The following KCNT2 variants were observed in gnomAD, a reference collection of about 807,000 sequenced individuals.
The protein encoded by KCNT2 is potassium channel subfamily T member 2.
Under a neutral mutation model 153.8 loss-of-function variants are expected in KCNT2, and 67 were observed. The ratio of observed to expected loss-of-function variants is 0.44; its 90% confidence interval spans 0.36 to 0.53. The LOEUF (loss-of-function observed/expected upper bound fraction) is 0.53, where lower values mean the gene tolerates loss of function less well. Ranked by LOEUF, KCNT2 falls within the 20% of genes least tolerant of loss-of-function variation. KCNT2 has a pLI of 0.00. For synonymous variants in KCNT2, 500 were observed against 458.8 expected (o/e 1.09, Z -1.15); for missense variants, 975 against 1,354.8 (o/e 0.72, Z 4.40).
chr1:196,342,189 G>A lies in KCNT2; in HGVS notation c.1443C>T (p.Tyr481=), dbSNP rs753063844. 1.1e-5 allele frequency: 18 copies of A among 1,610,884 alleles called. No homozygotes were observed. The highest frequency in any genetic ancestry group is 5.5e-5 in the South Asian group (5 of 90,510). The change falls in exon 15 of 28, where the codon TAC becomes TAT. Residue 481 remains tyrosine (Y), a synonymous_variant. Coordinates refer to ENST00000294725, the MANE Select transcript of KCNT2 (RefSeq NM_198503.5). The part of the protein sequence containing the change: ...QQSPEQWQKM[Y]GRCSGNEVYH... The stretch of plus-strand genomic sequence containing the variant: ...AGACTTCATTCCCGGAGCATCTACC[G>A]TACATCTTCTGCCATTGTTCTGGCG...
At chr1:196,277,585 G>A (rs1435003079) in intron 25 of KCNT2, among the ~76,000 whole-genome samples, 1 of 152,066 alleles carries the variant, frequency 6.6e-6, no homozygotes, top group Admixed American at 6.6e-5. Context: ...AACTGTTGAG[G>A]AAAATTGAGA....
chr1:196,580,742 T>C (rs535928850), intron 1 of KCNT2, among the ~76,000 whole-genome samples: 285 of 152,244 alleles, frequency 1.9e-3, no homozygotes, highest in Admixed American at 4.2e-3. Context: ...TAAATCCTTA[T>C]ATTTCATAGT....
intron 26 of KCNT2, 86 bp downstream of exon 26, chr1:196,258,108 T>A (rs763293516): frequency 2.5e-5 from 37 of 1,501,010 alleles, no homozygotes; most frequent in Non-Finnish European, 3.0e-5. Context: ...AAAAATTCAA[T>A]TCTTTATTAA....
chr1:196,522,789 G>A (rs1035465786), intron 1 of KCNT2, among the ~76,000 whole-genome samples: 4 of 151,896 alleles, frequency 2.6e-5, no homozygotes, highest in Admixed American at 1.3e-4. Flanking sequence ...TGTAAAAAAC[G>A]CACTAATCAG....
intron 1 of KCNT2, among the ~76,000 whole-genome samples, chr1:196,511,034 G>A (rs909710659): frequency 6.6e-6 from 1 of 151,682 alleles, no homozygotes; most frequent in Non-Finnish European, 1.5e-5. Flanking sequence ...TAGACCAGAT[G>A]TCCCATGAAA....
chr1:196,542,685 T>C (rs1166553913), intron 1 of KCNT2, among the ~76,000 whole-genome samples: 1 of 152,152 alleles, frequency 6.6e-6, no homozygotes, highest in Non-Finnish European at 1.5e-5. Flanking sequence ...TATTTCATTT[T>C]TCAACCAATC....
intron 1 of KCNT2, among the ~76,000 whole-genome samples, chr1:196,562,951 T>A (rs1371098862): frequency 6.6e-6 from 1 of 152,066 alleles, no homozygotes; most frequent in African/African-American, 2.4e-5. Context: ...CCATTGACCT[T>A]CTGTGTAGAA....
intron 12 of KCNT2, among the ~76,000 whole-genome samples, chr1:196,401,223 G>C (rs1224959175): frequency 6.6e-6 from 1 of 151,748 alleles, no homozygotes; most frequent in Non-Finnish European, 1.5e-5. Context: ...GCTAAAATGA[G>C]AGCACTAACA....
chr1:196,268,027 G>C (rs989596883), intron 25 of KCNT2, among the ~76,000 whole-genome samples: 2 of 152,142 alleles, frequency 1.3e-5, no homozygotes, highest in African/African-American at 4.8e-5. Flanking sequence ...GAGAACTGCT[G>C]CTTTTGATCC....
intron 19 of KCNT2, among the ~76,000 whole-genome samples, chr1:196,320,808 T>C (rs975981667): frequency 8.6e-5 from 13 of 151,822 alleles, no homozygotes; most frequent in Admixed American, 7.9e-4. Flanking sequence ...AATGACCCAA[T>C]AGTATTACAT....
At chr1:196,324,911 C>A (rs1572040948) in intron 19 of KCNT2, among the ~76,000 whole-genome samples, 1 of 151,966 alleles carries the variant, frequency 6.6e-6, no homozygotes, top group Admixed American at 6.6e-5. Flanking sequence ...ATTTTTGTAA[C>A]CTGTTTATTC....
At chr1:196,556,587 C>G (rs1658699673) in intron 1 of KCNT2, among the ~76,000 whole-genome samples, 1 of 151,368 alleles carries the variant, frequency 6.6e-6, no homozygotes. Context: ...CATCAGAAAA[C>G]TAAAACTAGA....
chr1:196,423,132 A>G lies in KCNT2; in HGVS notation c.1122-19T>C, dbSNP rs570322178. The stretch of plus-strand genomic sequence containing the variant: ...ATCCATCCTAAATACAGATGGAAAA[A>G]CAAAATAATCACACACTGAAATATC... On this transcript the variant is annotated intron_variant, in intron 11 of 27. Coordinates refer to ENST00000294725, the MANE Select transcript of KCNT2 (RefSeq NM_198503.5). The G allele has an allele frequency of 3.2e-6, 5 of 1,542,498 alleles. No individual in the cohort carries two copies. The South Asian group carries it at 4.7e-5, about 14-fold the overall frequency.
intron 12 of KCNT2, among the ~76,000 whole-genome samples, chr1:196,413,112 G>A (rs1339734271): frequency 1.3e-5 from 2 of 151,550 alleles, no homozygotes; most frequent in Admixed American, 6.6e-5. Context: ...ATGTATACAT[G>A]TCATTATTAT....
In KCNT2 at chr1:196,236,116, A is replaced by G. The variant is rs770443462; in HGVS notation, c.3212-46T>C. 27 of 981,430 alleles carry G rather than the reference A, an allele frequency of 2.8e-5. No individual in the cohort carries two copies. In the Admixed American group the frequency reaches 4.5e-4, roughly 16 times the overall value. The allele number at this position is 981,430 out of a possible 1,614,324, so 60.8% of individuals were successfully genotyped here. A position where few individuals can be genotyped will look rare whatever the true frequency, so the allele number is the denominator to read the frequency against. On this transcript the variant is annotated intron_variant, in intron 26 of 27. Transcript: ENST00000294725. ...AAGTTTGTTATACTGCTTATAGAAA[A>G]TTACAGGAATTACTAGTGAACAGCT...
intron 23 of KCNT2, among the ~76,000 whole-genome samples, 176 bp downstream of exon 23, chr1:196,285,481 A>C (rs531208308): frequency 6.6e-6 from 1 of 152,302 alleles, no homozygotes; most frequent in East Asian, 1.9e-4. Context: ...TTTTCTTACA[A>C]AATGTTTCAT....
intron 26 of KCNT2, among the ~76,000 whole-genome samples, chr1:196,253,523 A>G (rs1264174753): frequency 6.6e-6 from 1 of 151,436 alleles, no homozygotes; most frequent in African/African-American, 2.4e-5. Context: ...CTGTTGATTT[A>G]TTTTTATACT....
intron 1 of KCNT2, among the ~76,000 whole-genome samples, chr1:196,580,427 C>T (rs1661892169): frequency 6.6e-6 from 1 of 152,104 alleles, no homozygotes; most frequent in South Asian, 2.1e-4. Flanking sequence ...ACCTTCCCCA[C>T]AGGTACACTG....
intron 1 of KCNT2, among the ~76,000 whole-genome samples, chr1:196,528,614 C>G (rs769835498): frequency 9.3e-4 from 142 of 152,182 alleles, no homozygotes; most frequent in Non-Finnish European, 1.7e-3. Context: ...TAAAAAGAAG[C>G]CTTTTAGTTT....
Sources: allele counts gnomAD v4.1 joint callset (sites outside exome capture counted in the v4.1 genomes callset), GRCh38; gene constraint gnomAD v4.1.1; transcripts MANE v1.5; gene names NCBI Gene and HGNC (gene_info 2026-07-23, HGNC 2026-07-21).